NDUFS4: variants seen among roughly 807,000 people sequenced by gnomAD.
NDUFS4 encodes NADH dehydrogenase [ubiquinone] iron-sulfur protein 4, mitochondrial.
In NDUFS4, 28 loss-of-function variants were observed where a neutral mutation model predicts 24.3. The observed-to-expected ratio is 1.15, with a 90% CI of 0.85 to 1.58. NDUFS4 has a LOEUF of 1.58. Among genes scored for constraint, NDUFS4 ranks in the 40% most tolerant of loss-of-function variants. NDUFS4 has a pLI of 0.00. For missense variants in NDUFS4, 223 were observed against 207.9 expected (o/e 1.07, Z -0.45); for synonymous variants, 93 against 69.7 (o/e 1.34, Z -1.67).
At chr5:53,623,547 A>G (rs1751122190) in intron 2 of NDUFS4, among the ~76,000 whole-genome samples, 1 of 152,158 alleles carries the variant, frequency 6.6e-6, no homozygotes, top group Admixed American at 6.5e-5. Context: ...ATGCACAAAA[A>G]TTTTAATTTT....
At chr5:53,569,267 C>T (rs754870812) in intron 1 of NDUFS4, among the ~76,000 whole-genome samples, 11 of 151,916 alleles carry the variant, frequency 7.2e-5, no homozygotes, top group South Asian at 4.1e-4. Context: ...TTTTAATATT[C>T]GTAGTACAAA....
chr5:53,665,791 C>T (rs548851179), intron 4 of NDUFS4, among the ~76,000 whole-genome samples: 2 of 152,202 alleles, frequency 1.3e-5, no homozygotes, highest in African/African-American at 4.8e-5. Context: ...GGCGATGCCT[C>T]GCCCTGCTTG....
At chr5:53,640,974 G>T (rs1751691444) in intron 2 of NDUFS4, among the ~76,000 whole-genome samples, 1 of 152,100 alleles carries the variant, frequency 6.6e-6, no homozygotes, top group Non-Finnish European at 1.5e-5. Flanking sequence ...TTCCCTGAGA[G>T]CTGGTGTGGT....
At chr5:53,578,969 G>A (rs1749471145) in intron 1 of NDUFS4, among the ~76,000 whole-genome samples, 2 of 152,218 alleles carry the variant, frequency 1.3e-5, no homozygotes, top group South Asian at 4.2e-4. Context: ...GACCTCCCGT[G>A]CACTCCCCAA....
chr5:53,651,575 AT>A (rs1030477570), intron 3 of NDUFS4, among the ~76,000 whole-genome samples: 5 of 151,574 alleles, frequency 3.3e-5, no homozygotes, highest in Non-Finnish European at 7.4e-5. Context: ...ATAGACTTGT[AT>A]TTTTTTTAAT....
intron 1 of NDUFS4, among the ~76,000 whole-genome samples, chr5:53,571,713 A>G (rs530618055): frequency 1.4e-4 from 22 of 152,302 alleles, no homozygotes; most frequent in Non-Finnish European, 2.5e-4. Context: ...TTTTGAAGTT[A>G]TAACTATCCT....
At chr5:53,608,464 C>T (rs762218518) in intron 2 of NDUFS4, among the ~76,000 whole-genome samples, 3 of 152,192 alleles carry the variant, frequency 2.0e-5, no homozygotes, top group Non-Finnish European at 2.9e-5. Flanking sequence ...AGTGGAACTT[C>T]TTTCAAAATT....
intron 2 of NDUFS4, among the ~76,000 whole-genome samples, chr5:53,607,677 G>A (rs1045839171): frequency 6.6e-6 from 1 of 151,970 alleles, no homozygotes; most frequent in African/African-American, 2.4e-5. Flanking sequence ...ATAGAGCAAT[G>A]GATTTTAAGT....
chr5:53,594,596 G>T (rs555385251), intron 1 of NDUFS4, among the ~76,000 whole-genome samples: 2 of 151,848 alleles, frequency 1.3e-5, no homozygotes, highest in African/African-American at 4.8e-5. Flanking sequence ...TCCCTTTTTG[G>T]AATGATTTTT....
At chr5:53,648,476 A>T (rs1751925388) in intron 3 of NDUFS4, among the ~76,000 whole-genome samples, 1 of 152,220 alleles carries the variant, frequency 6.6e-6, no homozygotes. Context: ...AGTACTTGTC[A>T]AGAAAACAGA....
chr5:53,650,003 TATAG>T (rs1751971312), intron 3 of NDUFS4, among the ~76,000 whole-genome samples: 1 of 152,202 alleles, frequency 6.6e-6, no homozygotes, highest in Admixed American at 6.5e-5. Flanking sequence ...TCATATAATA[TATAG>T]AGTCATTTTG....
At chr5:53,637,447 A>G (rs1022378560) in intron 2 of NDUFS4, among the ~76,000 whole-genome samples, 4 of 152,220 alleles carry the variant, frequency 2.6e-5, no homozygotes, top group Non-Finnish European at 5.9e-5. Context: ...ATTTCCTGTT[A>G]CAAGAACAGA....
intron 2 of NDUFS4, among the ~76,000 whole-genome samples, chr5:53,641,235 A>AACTG (rs1751698537): frequency 6.6e-6 from 1 of 152,132 alleles, no homozygotes; most frequent in Non-Finnish European, 1.5e-5. Flanking sequence ...CAAAGTTGAG[A>AACTG]ACTGGGATTC....
intron 2 of NDUFS4, among the ~76,000 whole-genome samples, chr5:53,618,720 T>C (rs1180310033): frequency 1.3e-5 from 2 of 152,198 alleles, no homozygotes; most frequent in African/African-American, 4.8e-5. Flanking sequence ...CTTTATTCTT[T>C]TTAATGGTGG....
chr5:53,664,776 A>T (rs1035251995), intron 4 of NDUFS4, among the ~76,000 whole-genome samples: 14 of 152,070 alleles, frequency 9.2e-5, no homozygotes, highest in Admixed American at 8.5e-4. Context: ...ATGGTTTCAA[A>T]CTTCCTCCTT....
At chr5:53,630,457 A>T (rs113724844) in intron 2 of NDUFS4, among the ~76,000 whole-genome samples, 1 of 152,166 alleles carries the variant, frequency 6.6e-6, no homozygotes, top group Non-Finnish European at 1.5e-5. Flanking sequence ...TCTCCTGGAT[A>T]ATATCCTGAA....
At chr5:53,637,252 C>T (rs1473412844) in intron 2 of NDUFS4, among the ~76,000 whole-genome samples, 1 of 152,174 alleles carries the variant, frequency 6.6e-6, no homozygotes, top group East Asian at 1.9e-4. Flanking sequence ...AAGTAGCATT[C>T]CTTACTCACC....
chr5:53,581,865 C>A (rs1749577637), intron 1 of NDUFS4, among the ~76,000 whole-genome samples: 1 of 152,116 alleles, frequency 6.6e-6, no homozygotes, highest in Admixed American at 6.6e-5. Flanking sequence ...TAAAAAAGAT[C>A]ATCACATTTC....
intron 1 of NDUFS4, among the ~76,000 whole-genome samples, chr5:53,572,758 C>T (rs1294282790): frequency 6.6e-6 from 1 of 151,402 alleles, no homozygotes; most frequent in East Asian, 2.0e-4. Context: ...GATTCTCCTG[C>T]CTCAGCCTCC....
Sources: gnomAD v4.1 joint callset for allele counts (sites outside exome capture counted in the v4.1 genomes callset) on GRCh38, gnomAD v4.1.1 for gene constraint, MANE v1.5 for transcripts, NCBI Gene and HGNC (gene_info 2026-07-23, HGNC 2026-07-21) for gene names.